Variants in CALN1 observed in about 807,000 individuals in gnomAD.
The protein encoded by CALN1 is calneuron 1, also known as calcium-binding protein 8.
In CALN1, 17 loss-of-function variants were observed where a neutral mutation model predicts 30.6. The observed-to-expected ratio is 0.56, with a 90% CI of 0.38 to 0.83. The LOEUF is 0.83. Ranked by LOEUF, CALN1 falls within the 40% of genes least tolerant of loss-of-function variation. The pLI, the probability that CALN1 is intolerant of heterozygous loss-of-function variation, is 0.00. For missense variants in CALN1, 291 were observed against 354.9 expected, an observed-to-expected ratio of 0.82 and a Z score of 1.45; for synonymous variants, 156 against 131.4, an observed-to-expected ratio of 1.19 and a Z score of -1.28.
intron 3 of CALN1, among the ~76,000 whole-genome samples, chr7:72,273,450 G>A (rs1443253516): frequency 1.3e-5 from 2 of 149,294 alleles, no homozygotes; most frequent in Admixed American, 1.3e-4. Flanking sequence ...GCGGGCGGGG[G>A]CGGTGGGGAA....
intron 3 of CALN1, among the ~76,000 whole-genome samples, chr7:72,132,399 T>C (rs1339754588): frequency 6.6e-6 from 1 of 152,160 alleles, no homozygotes; most frequent in Non-Finnish European, 1.5e-5. Context: ...CGAAGTATGG[T>C]TTCTACTGGG....
intron 2 of CALN1, among the ~76,000 whole-genome samples, chr7:72,293,469 T>C (rs1258713124): frequency 6.6e-6 from 1 of 152,194 alleles, no homozygotes; most frequent in Non-Finnish European, 1.5e-5. Flanking sequence ...CCCCAGCCTC[T>C]CTCTTTTTCC....
At chr7:71,979,441 A>G (rs1196855237) in intron 5 of CALN1, among the ~76,000 whole-genome samples, 1 of 152,072 alleles carries the variant, frequency 6.6e-6, no homozygotes, top group Admixed American at 6.6e-5. Context: ...TCTCATAAGG[A>G]GCGTGCAACC....
chr7:72,449,874 CAAAAAA>C (rs71069071), upstream of CALN1, among the ~76,000 whole-genome samples: 11 of 52,318 alleles, frequency 2.1e-4, no homozygotes, highest in Non-Finnish European at 4.1e-4. Flanking sequence ...GACTCCGTCT[CAAAAAA>C]AAAAAAAAAA....
chr7:72,459,339 G>GTC, the CALN1 span, among the ~76,000 whole-genome samples: 3 of 152,222 alleles, frequency 2.0e-5, no homozygotes, highest in African/African-American at 7.2e-5. Flanking sequence ...TCAAGGGACA[G>GTC]TCTGTCCAAT....
In CALN1 at chr7:72,090,777, A is replaced by G. The variant is rs1041800336; in HGVS notation, c.388+15374T>C. On this transcript the variant is annotated intron_variant, in intron 4 of 6. Transcript: ENST00000395275. ...AGGAAATCCTTTTACTTGCAACCAC[A>G]TGGGTTGAACTGGAAGACACTATGT... is the stretch of plus-strand genomic sequence containing the variant. Among the ~76,000 whole-genome samples the G allele has an allele frequency of 6.6e-5, 10 of 152,232 alleles. 1 individual carries two copies. Among genetic ancestry groups the G allele is most frequent in the Middle Eastern group, 6.3e-3 (2 of 316 alleles).
At chr7:72,481,199 G>A in the CALN1 span, among the ~76,000 whole-genome samples, 36 of 152,098 alleles carry the variant, frequency 2.4e-4, no homozygotes, top group African/African-American at 6.5e-4. Context: ...TGATCCGCCC[G>A]CGTCGGCCTC....
At chr7:72,411,629 G>A (rs937684434) in intron 1 of CALN1, among the ~76,000 whole-genome samples, 6 of 152,154 alleles carry the variant, frequency 3.9e-5, no homozygotes, top group African/African-American at 1.4e-4. Flanking sequence ...TCAGCTCCAT[G>A]GGAGGAAATA....
intron 2 of CALN1, among the ~76,000 whole-genome samples, chr7:72,297,831 T>C (rs1048610096): frequency 6.6e-6 from 1 of 152,222 alleles, no homozygotes; most frequent in African/African-American, 2.4e-5. Flanking sequence ...AAGTTTCATC[T>C]TCCCTAACGT....
chr7:72,084,342 G>A (rs1487961377), intron 4 of CALN1, among the ~76,000 whole-genome samples: 1 of 151,710 alleles, frequency 6.6e-6, no homozygotes, highest in Non-Finnish European at 1.5e-5. Flanking sequence ...AGACCTAAAA[G>A]TAAAAGCTAA....
intron 3 of CALN1, among the ~76,000 whole-genome samples, chr7:72,169,310 T>C (rs1788766684): frequency 6.6e-6 from 1 of 152,008 alleles, no homozygotes; most frequent in African/African-American, 2.4e-5. Flanking sequence ...TTTGCTTTGT[T>C]AGTTTTTATG....
At chr7:71,974,417 C>CAA (rs1052896558) in intron 5 of CALN1, among the ~76,000 whole-genome samples, 834 of 53,998 alleles carry the variant, frequency 0.015, 2 homozygotes, top group Non-Finnish European at 0.023. Context: ...GACTCCATCT[C>CAA]AAAAAAAAAA....
intron 2 of CALN1, among the ~76,000 whole-genome samples, chr7:72,398,268 A>G (rs1806111045): frequency 6.6e-6 from 1 of 152,190 alleles, no homozygotes; most frequent in Admixed American, 6.5e-5. Flanking sequence ...GGTCTTGTTT[A>G]TGTGTAGACT....
intron 2 of CALN1, among the ~76,000 whole-genome samples, chr7:72,376,751 C>T (rs906876974): frequency 5.3e-5 from 8 of 152,144 alleles, no homozygotes; most frequent in Non-Finnish European, 1.2e-4. Flanking sequence ...GTTGCTTGGA[C>T]TTTCTGATTC....
At chr7:72,097,411 C>T (rs1450653062) in intron 4 of CALN1, among the ~76,000 whole-genome samples, 1 of 152,190 alleles carries the variant, frequency 6.6e-6, no homozygotes, top group Non-Finnish European at 1.5e-5. Flanking sequence ...GCTCTGAGAT[C>T]ACCCAAACAG....
intron 6 of CALN1, among the ~76,000 whole-genome samples, chr7:71,789,585 AG>A (rs1472685118): frequency 2.6e-5 from 4 of 151,852 alleles, no homozygotes; most frequent in Non-Finnish European, 5.9e-5. Flanking sequence ...ATGTGAAGAT[AG>A]GGGGGCACCA....
At chr7:71,807,528 G>C (rs1367125541) in intron 6 of CALN1, among the ~76,000 whole-genome samples, 1 of 152,190 alleles carries the variant, frequency 6.6e-6, no homozygotes, top group Non-Finnish European at 1.5e-5. Flanking sequence ...GTTTCTCTGA[G>C]ATAAAAATAT....
At chr7:71,892,360 G>A (rs1247179685) in intron 5 of CALN1, among the ~76,000 whole-genome samples, 1 of 152,194 alleles carries the variant, frequency 6.6e-6, no homozygotes, top group East Asian at 1.9e-4. Context: ...TCCAGGGCCA[G>A]GCGCAGTGGC....
intron 2 of CALN1, among the ~76,000 whole-genome samples, chr7:72,293,627 G>A (rs751539110): frequency 2.7e-4 from 41 of 152,116 alleles, no homozygotes; most frequent in Non-Finnish European, 7.3e-5. Flanking sequence ...AAGAAAGCAG[G>A]CAGATGACCA....
Sources: allele counts gnomAD v4.1 joint callset (sites outside exome capture counted in the v4.1 genomes callset), GRCh38; gene constraint gnomAD v4.1.1; transcripts MANE v1.5; gene names NCBI Gene and HGNC (gene_info 2026-07-23, HGNC 2026-07-21).